The following CFLAR variants were observed in gnomAD, a reference collection of about 807,000 sequenced individuals.
CFLAR encodes the protein CASP8 and FADD like apoptosis regulator.
CFLAR carries 14 observed loss-of-function variants against 51.1 expected under a neutral mutation model. The observed-to-expected ratio is 0.27, with a 90% confidence interval of 0.18 to 0.43. The LOEUF is 0.43. CFLAR is among the 20% of genes least tolerant of loss of function. CFLAR has a pLI of 1.00. For missense variants in CFLAR, 390 were observed against 566.5 expected, an observed-to-expected ratio of 0.69 and a Z score of 3.16; for synonymous variants, 210 against 211.6, an observed-to-expected ratio of 0.99 and a Z score of 0.06.
At chr2:201,139,080 C>T in intron 4 of CFLAR, 1 of 388,280 alleles carries the variant, frequency 2.6e-6, no homozygotes, top group South Asian at 2.0e-5. Flanking sequence ...CCATTTTGTT[C>T]TGTACTAAGA....
chr2:201,138,272 G>C lies in CFLAR; in HGVS notation c.524-2085G>C. 1 of 801,792 alleles carries C rather than the reference G, an allele frequency of 1.2e-6. No individual in the cohort carries two copies. Among genetic ancestry groups the C allele is most frequent in the Non-Finnish European group, 2.3e-6 (1 of 443,238 alleles). The allele number at this position is 801,792 out of a possible 1,614,324, so 49.7% of individuals were successfully genotyped here. A position where few individuals can be genotyped will look rare whatever the true frequency, so the allele number is the denominator to read the frequency against. On this transcript the variant is annotated intron_variant, in intron 4 of 9. Coordinates refer to ENST00000309955, the MANE Select transcript of CFLAR (RefSeq NM_003879.7). This position sits in a 1 kb window ranked among gnomAD's most constrained non-coding sequence, Gnocchi z 4.0. ...GCCTATGACATTGACGCCTACCTGG[G>C]TGAGCAGGTCCAGGTGGTATTTGTC... is the stretch of plus-strand genomic sequence containing the variant.
intron 2 of CFLAR, among the ~76,000 whole-genome samples, chr2:201,130,353 CTTTTT>C (rs771361555): frequency 3.0e-4 from 28 of 92,292 alleles, no homozygotes; most frequent in African/African-American, 5.8e-4. Flanking sequence ...TTCTTTCTTT[CTTTTT>C]TTTTTTTTTT....
In CFLAR at chr2:201,169,226, A is replaced by T. The variant is rs369433140; in HGVS notation, c.*5253A>T. The T allele has an allele frequency of 8.5e-5, 13 of 152,350 alleles. No homozygotes were observed. The highest frequency in any genetic ancestry group is 1.9e-4 in the Non-Finnish European group (13 of 68,024). 9.4% of individuals were successfully genotyped at this position (152,350 alleles called of 1,614,324 possible). A position where few individuals can be genotyped will look rare whatever the true frequency, so the allele number is the denominator to read the frequency against. ...ACTTCAAAGTATACTGCAAGGCTACAGTAGCCAAAATGGCATGGTACTGGT... is the reference window on the plus strand; with the variant it reads ...ACTTCAAAGTATACTGCAAGGCTACTGTAGCCAAAATGGCATGGTACTGGT... On this transcript the variant is annotated 3_prime_UTR_variant, in exon 10 of 10. Coordinates refer to ENST00000309955, the MANE Select transcript of CFLAR (RefSeq NM_003879.7).
At chr2:201,131,488 G>A (rs2049318487) in intron 2 of CFLAR, among the ~76,000 whole-genome samples, 1 of 152,126 alleles carries the variant, frequency 6.6e-6, no homozygotes, top group African/African-American at 2.4e-5. Context: ...TGCCCTCCTT[G>A]GCCTCTTAAA....
In CFLAR at chr2:201,145,264, T is replaced by C. The variant is rs1939880428; in HGVS notation, c.607-114T>C. On this transcript the variant is annotated intron_variant, in intron 5 of 9. Transcript: ENST00000309955. The stretch of plus-strand genomic sequence containing the variant: ...AGATAATTTAACTGTTGGGACGATA[T>C]TTTTATTTTTTTCCTGAGTTAAGAA... 6.4e-6 allele frequency: 4 copies of C among 622,800 alleles called. No homozygotes were observed. The Admixed American group carries it at 8.3e-5, about 13-fold the overall frequency. 38.6% of individuals were successfully genotyped at this position (622,800 alleles called of 1,614,324 possible). A position where few individuals can be genotyped will look rare whatever the true frequency, so the allele number is the denominator to read the frequency against.
chr2:201,119,583 A>G (rs1361741437), intron 1 of CFLAR, among the ~76,000 whole-genome samples: 1 of 152,112 alleles, frequency 6.6e-6, no homozygotes, highest in East Asian at 1.9e-4. Context: ...TCTCTCCCTT[A>G]TACTCTCTTC....
At chr2:201,144,682 G>C (rs560604654) in intron 5 of CFLAR, among the ~76,000 whole-genome samples, 81 of 152,256 alleles carry the variant, frequency 5.3e-4, no homozygotes, top group African/African-American at 1.9e-3. Context: ...TAACCATGCT[G>C]TACTTTGCCC....
rs542634205 is a variant in CFLAR at position 201,169,837 on chromosome 2, A to G, written c.*5864A>G. ...TCAAAAGAAGACATTTATGTGGCCA[A>G]CAAACATATAAAAAAAAGCTCAACC... On this transcript the variant is annotated 3_prime_UTR_variant, in exon 10 of 10. Coordinates refer to ENST00000309955, the MANE Select transcript of CFLAR (RefSeq NM_003879.7). The G allele has an allele frequency of 6.6e-6, 1 of 152,358 alleles. No homozygotes were observed. The highest frequency in any genetic ancestry group is 1.5e-5 in the Non-Finnish European group (1 of 68,038). The allele number at this position is 152,358 out of a possible 1,614,324, so 9.4% of individuals were successfully genotyped here.
chr2:201,159,475 A>G (rs987917715), intron 8 of CFLAR, among the ~76,000 whole-genome samples: 2 of 151,510 alleles, frequency 1.3e-5, no homozygotes, highest in African/African-American at 4.9e-5. Flanking sequence ...ACACCTGACT[A>G]ATTTTTGTAT....
rs2125620541 is a variant in CFLAR at position 201,124,336 on chromosome 2, T to C, written c.-137-5393T>C. 6.6e-6 allele frequency among the ~76,000 whole-genome samples: 1 copy of C among 152,184 alleles called. No homozygotes were observed. Among genetic ancestry groups the C allele is most frequent in the Non-Finnish European group, 1.5e-5 (1 of 68,006 alleles). ...CTTCAATAGAGGTGTTTTGTTTTGT[T>C]TTGTTTTGTTTTTCGAGACGGAGTT... On this transcript the variant is annotated intron_variant, in intron 1 of 9. Coordinates refer to ENST00000309955, the MANE Select transcript of CFLAR (RefSeq NM_003879.7). This position sits in a 1 kb window ranked among gnomAD's most constrained non-coding sequence, Gnocchi z 4.7.
chr2:201,130,027 C>G lies in CFLAR; in HGVS notation c.162C>G (p.Asp54Glu). Residue 54 changes from aspartate (D) to glutamate (E), a missense_variant, in exon 2 of 10, where the codon GAC (aspartate) becomes GAG (glutamate). Coordinates refer to ENST00000309955, the MANE Select transcript of CFLAR (RefSeq NM_003879.7). Reference protein sequence around the residue: ...LRERGKLSVGDLAELLYRVRR... With the variant: ...LRERGKLSVGELAELLYRVRR... ...AAAGAGGTAAGCTGTCTGTCGGGGA[C>G]TTGGCTGAACTGCTCTACAGAGTGA... 2 of 1,614,150 alleles carry G rather than the reference C, an allele frequency of 1.2e-6. No homozygotes were observed. The highest frequency in any genetic ancestry group is 4.5e-5 in the East Asian group (2 of 44,874).
intron 9 of CFLAR, among the ~76,000 whole-genome samples, chr2:201,161,423 T>A (rs1942991173): frequency 6.6e-6 from 1 of 151,222 alleles, no homozygotes; most frequent in Admixed American, 6.6e-5. Context: ...TTTATTTATT[T>A]TTTTTTTTGA....
chr2:201,133,803 C>T (rs945521202), intron 3 of CFLAR, among the ~76,000 whole-genome samples: 3 of 151,240 alleles, frequency 2.0e-5, no homozygotes, highest in Non-Finnish European at 2.9e-5. Context: ...TGGTGGCGGG[C>T]GCCTGTAGTC....
intron 4 of CFLAR, 129 bp from the exon 5 acceptor site, chr2:201,140,228 C>CATTCAAGGAGCAGGGACA: frequency 8.6e-7 from 1 of 1,161,262 alleles, no homozygotes; most frequent in Non-Finnish European, 1.2e-6. Context: ...ATTTTGAATT[C>CATTCAAGGAGCAGGGACA]AGTAAGGTGG....
At chr2:201,157,085 C>T (rs1455940335) in intron 8 of CFLAR, among the ~76,000 whole-genome samples, 1 of 152,176 alleles carries the variant, frequency 6.6e-6, no homozygotes, top group Admixed American at 6.6e-5. Context: ...CCTTTAAAGT[C>T]AATATCTTAT....
rs964900838 is a variant in CFLAR at position 201,119,455 on chromosome 2, ATTTG to A, written c.-138+2986_-138+2989del. On this transcript the variant is annotated intron_variant, in intron 1 of 9. Coordinates refer to ENST00000309955, the MANE Select transcript of CFLAR (RefSeq NM_003879.7). ...ATGACACCATGGGTTCTTTTTGTTTATTTGTTTGTTTGTTTTGTCTTTTCTTTTA... is the reference window on the plus strand; with the variant it reads ...ATGACACCATGGGTTCTTTTTGTTTATTTGTTTGTTTTGTCTTTTCTTTTA... Among the ~76,000 whole-genome samples the A allele has an allele frequency of 3.3e-5, 5 of 152,076 alleles. No homozygotes were observed. The East Asian group carries it at 7.7e-4, about 23-fold the overall frequency.
At chr2:201,133,907 G>A (rs2049683831) in intron 3 of CFLAR, among the ~76,000 whole-genome samples, 1 of 142,306 alleles carries the variant, frequency 7.0e-6, no homozygotes, top group Non-Finnish European at 1.5e-5. Context: ...CTCCAGCCTG[G>A]GTGACAGCAA....
At position 201,160,539 on chromosome 2, in the gene CFLAR, G is replaced by A. The variant is rs980249331; in HGVS notation, c.901G>A (p.Glu301Lys). The change falls in exon 9 of 10, where the codon GAG becomes AAG. Residue 301 changes from glutamate to lysine, a missense_variant. By Grantham distance (56) the Glu-to-Lys change is moderately conservative. This residue lies in a region of CFLAR where 287 missense variants were observed against 363.6 expected (regional missense o/e 0.79). Transcript: ENST00000309955. ...TCTTGGCCAATTTGCCTGTATGCCC[G>A]AGCACCGAGACTACGACAGCTTTGT... ...QILGQFACMP[E>K]HRDYDSFVCV... The A allele has an allele frequency of 9.9e-6, 16 of 1,613,750 alleles. No individual in the cohort carries two copies. Among genetic ancestry groups the A allele is most frequent in the African/African-American group, 1.3e-5 (1 of 74,806 alleles).
intron 7 of CFLAR, chr2:201,149,533 T>C: frequency 2.6e-6 from 1 of 387,846 alleles, no homozygotes; most frequent in Non-Finnish European, 4.7e-6. Flanking sequence ...TTCATTAAAA[T>C]TAAATAAAAA....
Sources: gnomAD v4.1 joint callset for allele counts (sites outside exome capture counted in the v4.1 genomes callset) on GRCh38, gnomAD v4.1.1 for gene constraint, gnomAD v4.1.1 regional missense constraint, Gnocchi (gnomAD v3.1) non-coding constraint, MANE v1.5 for transcripts, NCBI Gene and HGNC (gene_info 2026-07-23, HGNC 2026-07-21) for gene names.